Variants in GRM8 observed in about 807,000 individuals in gnomAD.
GRM8 encodes the protein metabotropic glutamate receptor 8.
Under a neutral mutation model 87.2 loss-of-function variants are expected in GRM8, and 47 were observed. The ratio of observed to expected loss-of-function variants is 0.54; its 90% CI spans 0.43 to 0.69. GRM8 has a LOEUF of 0.69. GRM8 is among the 30% of genes least tolerant of loss of function. The probability of loss-of-function intolerance (pLI) is 0.00; values close to 1 mark genes in which losing one functional copy is unlikely to be tolerated. For synonymous variants in GRM8, 396 were observed against 404.5 expected (o/e 0.98, Z 0.25); for missense variants, 1,019 against 1,139.2 (o/e 0.89, Z 1.52).
chr7:126,886,836 T>C (rs1800547547), intron 6 of GRM8, among the ~76,000 whole-genome samples: 1 of 152,112 alleles, frequency 6.6e-6, no homozygotes, highest in African/African-American at 2.4e-5. Context: ...TTTGATATAA[T>C]AAAATATATA....
chr7:126,720,640 T>C (rs192851782), intron 7 of GRM8, among the ~76,000 whole-genome samples: 36 of 152,288 alleles, frequency 2.4e-4, no homozygotes, highest in Non-Finnish European at 4.1e-4. Flanking sequence ...TCTTTACAAT[T>C]CCAAGATTCA....
rs1805954071 is a variant in GRM8 at position 126,667,946 on chromosome 7, C to T, written c.1358-58448G>A. ...GCCATACTTTTGCTTCGACCTTTAT[C>T]TGTTGTTAGAAGCAAAAACCACACC... On this transcript the variant is annotated intron_variant, in intron 7 of 10. Transcript: ENST00000339582. Among the ~76,000 whole-genome samples the T allele has an allele frequency of 2.0e-5, 3 of 152,196 alleles. No homozygotes were observed. In the South Asian group the frequency reaches 6.2e-4, roughly 32 times the overall value.
intron 3 of GRM8, among the ~76,000 whole-genome samples, chr7:126,998,557 T>A (rs992453587): frequency 6.6e-6 from 1 of 151,782 alleles, no homozygotes; most frequent in East Asian, 1.9e-4. Flanking sequence ...TTAGAACTGA[T>A]AAACAAATTC....
chr7:126,698,910 G>C (rs2151389461), intron 7 of GRM8, among the ~76,000 whole-genome samples: 1 of 152,256 alleles, frequency 6.6e-6, no homozygotes, highest in East Asian at 1.9e-4. Context: ...ATTAGCTTCT[G>C]AGGAGAAAGT....
intron 3 of GRM8, among the ~76,000 whole-genome samples, chr7:127,035,013 G>T (rs1817722842): frequency 6.6e-6 from 1 of 152,206 alleles, no homozygotes; most frequent in Admixed American, 6.5e-5. Flanking sequence ...GCTCAGTTTA[G>T]ATTGGTTGCC....
chr7:126,880,109 A>C (rs1799892440), intron 6 of GRM8, among the ~76,000 whole-genome samples: 1 of 152,228 alleles, frequency 6.6e-6, no homozygotes, highest in African/African-American at 2.4e-5. Context: ...CTGTTAAATA[A>C]GTCTCTTGGG....
intron 8 of GRM8, among the ~76,000 whole-genome samples, chr7:126,586,075 T>C (rs1181714664): frequency 2.0e-5 from 3 of 152,100 alleles, no homozygotes; most frequent in Admixed American, 6.5e-5. Flanking sequence ...TGGACTCCCA[T>C]TCACAACTGC....
intron 6 of GRM8, among the ~76,000 whole-genome samples, chr7:126,837,345 T>G (rs1165281007): frequency 6.6e-6 from 1 of 152,248 alleles, no homozygotes; most frequent in Non-Finnish European, 1.5e-5. Flanking sequence ...CTGGTATTAT[T>G]TAGTTGTTCT....
chr7:126,803,578 T>A (rs180990531), intron 6 of GRM8, among the ~76,000 whole-genome samples: 1 of 152,348 alleles, frequency 6.6e-6, no homozygotes. Context: ...CTTACATTCT[T>A]CCACATCCTC....
intron 7 of GRM8, among the ~76,000 whole-genome samples, chr7:126,754,966 T>C (rs1193689863): frequency 6.7e-6 from 1 of 149,742 alleles, no homozygotes; most frequent in Non-Finnish European, 1.5e-5. Context: ...AAAAAAAAAA[T>C]CCAACACAAA....
chr7:126,615,130 T>C (rs557339896), intron 7 of GRM8, among the ~76,000 whole-genome samples: 17 of 152,286 alleles, frequency 1.1e-4, no homozygotes, highest in Non-Finnish European at 1.9e-4. Flanking sequence ...GAGAGAAATG[T>C]AGGGTTACCC....
At chr7:126,788,420 A>AAAAAAAAAAAAACAAAACAAAAAAC in intron 6 of GRM8, among the ~76,000 whole-genome samples, 2 of 81,134 alleles carry the variant, frequency 2.5e-5, no homozygotes, top group African/African-American at 9.2e-5. Flanking sequence ...AAAAAAAAAA[A>AAAAAAAAAAAAACAAAACAAAAAAC]AAACCCTTTC....
intron 3 of GRM8, among the ~76,000 whole-genome samples, chr7:127,047,754 A>C (rs7807711): frequency 1 from 152,301 of 152,302 alleles, 76,150 homozygotes; most frequent in Middle Eastern, 1. Context: ...TCACATGAGA[A>C]CCAGAGGTTG....
At chr7:127,227,842 T>C (rs1360183604) in intron 2 of GRM8, among the ~76,000 whole-genome samples, 30 of 152,162 alleles carry the variant, frequency 2.0e-4, no homozygotes, top group Admixed American at 1.8e-3. Context: ...GGAAGATACA[T>C]GGGGTCACAG....
chr7:126,991,142 A>T (rs1488902880), intron 3 of GRM8, among the ~76,000 whole-genome samples: 3 of 152,138 alleles, frequency 2.0e-5, no homozygotes, highest in Non-Finnish European at 4.4e-5. Flanking sequence ...CACAAGATAG[A>T]CTGAAATGAC....
At chr7:126,693,951 T>C (rs1038018240) in intron 7 of GRM8, among the ~76,000 whole-genome samples, 7 of 151,994 alleles carry the variant, frequency 4.6e-5, no homozygotes. Flanking sequence ...TGTTGGAATA[T>C]GCCCTTTGTA....
chr7:126,503,288 A>G (rs754747460), intron 9 of GRM8, among the ~76,000 whole-genome samples: 1 of 152,104 alleles, frequency 6.6e-6, no homozygotes, highest in African/African-American at 2.4e-5. Flanking sequence ...GTACACAAAT[A>G]TAAGATGAAT....
chr7:127,168,165 A>G (rs1478442902), intron 2 of GRM8, among the ~76,000 whole-genome samples: 1 of 152,198 alleles, frequency 6.6e-6, no homozygotes, highest in Non-Finnish European at 1.5e-5. Context: ...ATTTACAAGA[A>G]AAAAACAGCC....
At chr7:126,596,749 G>A (rs979095620) in intron 8 of GRM8, among the ~76,000 whole-genome samples, 1 of 152,030 alleles carries the variant, frequency 6.6e-6, no homozygotes, top group Non-Finnish European at 1.5e-5. Context: ...CACACACAGA[G>A]GAATACAAGT....
Sources: allele counts gnomAD v4.1 joint callset (sites outside exome capture counted in the v4.1 genomes callset), GRCh38; gene constraint gnomAD v4.1.1; transcripts MANE v1.5; gene names NCBI Gene and HGNC (gene_info 2026-07-23, HGNC 2026-07-21).